The following PTPN13 variants were observed in gnomAD, a reference collection of about 807,000 sequenced individuals.
PTPN13 encodes the protein tyrosine-protein phosphatase non-receptor type 13.
PTPN13 carries 191 observed loss-of-function variants against 284.0 expected under a neutral mutation model. The ratio of observed to expected loss-of-function variants is 0.67; its 90% CI spans 0.60 to 0.76. The LOEUF (loss-of-function observed/expected upper bound fraction) is 0.76. PTPN13 is among the 30% of genes least tolerant of loss of function. The probability of loss-of-function intolerance (pLI) is 0.00; values close to 1 mark genes in which losing one functional copy is unlikely to be tolerated. For missense variants in PTPN13, 2,797 were observed against 2,939.9 expected (o/e 0.95, Z 1.12); for synonymous variants, 986 against 1,022.3 (o/e 0.96, Z 0.68).
At chr4:86,756,909 C>T (rs1343468582) in intron 20 of PTPN13, among the ~76,000 whole-genome samples, 3 of 152,092 alleles carry the variant, frequency 2.0e-5, no homozygotes, top group Non-Finnish European at 2.9e-5. Context: ...AAACCAAAAC[C>T]TCTAATTTTC....
At chr4:86,771,113 T>C in intron 30 of PTPN13, 58 bp from the exon 31 acceptor site, 2 of 1,479,496 alleles carry the variant, frequency 1.4e-6, no homozygotes, top group Non-Finnish European at 1.8e-6. Flanking sequence ...TATTTTCAAA[T>C]AAATGCTTCT....
intron 1 of PTPN13, among the ~76,000 whole-genome samples, chr4:86,613,951 A>C (rs1001256925): frequency 2.6e-5 from 4 of 152,200 alleles, no homozygotes; most frequent in African/African-American, 9.7e-5. Context: ...ATTGTGCAAC[A>C]GGGAGTAAGG....
intron 31 of PTPN13, 84 bp downstream of exon 31, chr4:86,771,619 GAAATGTATGTATCTGTGA>G (rs1740008336): frequency 7.4e-7 from 1 of 1,357,860 alleles, no homozygotes; most frequent in South Asian, 1.5e-5. Flanking sequence ...TCTTAAGAAT[GAAATGTATGTATCTGTGA>G]CCTTCACAGT....
In PTPN13 at chr4:86,735,694, A is replaced by G. The variant is rs749515286; in HGVS notation, c.2252A>G (p.His751Arg). 2.3e-5 allele frequency: 37 copies of G among 1,613,200 alleles called. No individual in the cohort carries two copies. The highest frequency in any genetic ancestry group is 6.7e-5 in the Admixed American group (4 of 59,906). Residue 751 changes from histidine to arginine, a missense_variant, in exon 15 of 48, where the codon CAT becomes CGT. Coordinates refer to ENST00000411767, the MANE Select transcript of PTPN13 (RefSeq NM_080683.3). ...ATCAAAGAAGAGTTACCCAAATTGC[A>G]TAATACCTATGTGGGAGCTTCTGAA... is the stretch of plus-strand genomic sequence containing the variant. Reference protein sequence around the residue: ...SYIKEELPKLHNTYVGASEKE... With the variant: ...SYIKEELPKLRNTYVGASEKE...
At chr4:86,794,444 A>C (rs974951385) in intron 40 of PTPN13, among the ~76,000 whole-genome samples, 1 of 152,224 alleles carries the variant, frequency 6.6e-6, no homozygotes, top group Non-Finnish European at 1.5e-5. Context: ...GATAGGAAGA[A>C]TCAATATCGT....
rs1560452596 is a variant in PTPN13 at position 86,814,747 on chromosome 4, A to G, written c.*196A>G. Reference sequence around the variant, plus strand: ...TTTTACAGCTACTTTAACCTATGATAATTATTTACAAAATTTTAACACTAA... The same window carrying G: ...TTTTACAGCTACTTTAACCTATGATGATTATTTACAAAATTTTAACACTAA... On this transcript the variant is annotated 3_prime_UTR_variant, in exon 48 of 48. Coordinates refer to ENST00000411767, the MANE Select transcript of PTPN13 (RefSeq NM_080683.3). The G allele has an allele frequency of 1.0e-5, 5 of 497,532 alleles. No homozygotes were observed. The highest frequency in any genetic ancestry group is 1.8e-5 in the Non-Finnish European group (5 of 276,458). 30.8% of individuals were successfully genotyped at this position (497,532 alleles called of 1,614,324 possible).
intron 19 of PTPN13, 45 bp downstream of exon 19, chr4:86,751,169 C>A: frequency 7.5e-7 from 1 of 1,324,740 alleles, no homozygotes; most frequent in South Asian, 1.3e-5. Flanking sequence ...ACCTCATGCT[C>A]AGAGGGAAGT....
At chr4:86,673,301 A>G (rs1031173923) in intron 3 of PTPN13, among the ~76,000 whole-genome samples, 1 of 152,206 alleles carries the variant, frequency 6.6e-6, no homozygotes, top group Non-Finnish European at 1.5e-5. Context: ...TTAGTGTAGA[A>G]TGATATCACA....
chr4:86,684,930 T>C (rs753313936), intron 3 of PTPN13, among the ~76,000 whole-genome samples: 4 of 152,102 alleles, frequency 2.6e-5, no homozygotes, highest in Non-Finnish European at 4.4e-5. Context: ...CAGAAAAAAA[T>C]AGAAGCAATC....
chr4:86,755,644 T>C (rs1024453837), intron 20 of PTPN13, among the ~76,000 whole-genome samples: 1 of 152,046 alleles, frequency 6.6e-6, no homozygotes, highest in African/African-American at 2.4e-5. Flanking sequence ...ACAACCCTTC[T>C]GTTTTTCACT....
intron 6 of PTPN13, among the ~76,000 whole-genome samples, chr4:86,697,953 A>G (rs2148993612): frequency 6.6e-6 from 1 of 151,924 alleles, no homozygotes; most frequent in South Asian, 2.1e-4. Flanking sequence ...GACTTTTTAT[A>G]TTCTTGAAAT....
At position 86,728,643 on chromosome 4, in the gene PTPN13, C is replaced by CTT. The variant is rs57773658; in HGVS notation, c.1609-3724_1609-3723dup. Among the ~76,000 whole-genome samples, 27 of 24,494 alleles carry CTT rather than the reference C, an allele frequency of 1.1e-3. 3 individuals are homozygous for CTT. The highest frequency in any genetic ancestry group is 1.7e-3 in the Non-Finnish European group (22 of 13,140). 16.1% of individuals were successfully genotyped at this position (24,494 alleles called of 152,430 possible). A position where few individuals can be genotyped will look rare whatever the true frequency, so the allele number is the denominator to read the frequency against. On this transcript the variant is annotated intron_variant, in intron 10 of 47. Coordinates refer to ENST00000411767, the MANE Select transcript of PTPN13 (RefSeq NM_080683.3). ...CAGAGACTAGGATTGCAACCCCTGC[C>CTT]TTTTTTTTTTTTTTTTTTTTTTTTT...
intron 35 of PTPN13, 102 bp downstream of exon 35, chr4:86,775,754 C>A (rs972753031): frequency 2.1e-6 from 2 of 947,386 alleles, no homozygotes; most frequent in African/African-American, 3.3e-5. Flanking sequence ...ATTAGTAATT[C>A]ATAGACTAAA....
chr4:86,652,185 T>G (rs1725164290), intron 2 of PTPN13, among the ~76,000 whole-genome samples: 1 of 151,536 alleles, frequency 6.6e-6, no homozygotes, highest in Non-Finnish European at 1.5e-5. Context: ...GCTCTGATCT[T>G]TCTTTTCTTC....
At chr4:86,734,534 C>G (rs1161327547) in intron 13 of PTPN13, 78 bp downstream of exon 13, 8 of 1,334,000 alleles carry the variant, frequency 6.0e-6, no homozygotes, top group Non-Finnish European at 8.0e-6. Flanking sequence ...TACTGAATTA[C>G]TTGATTCCAA....
At chr4:86,719,771 C>T in intron 9 of PTPN13, among the ~76,000 whole-genome samples, 1 of 152,076 alleles carries the variant, frequency 6.6e-6, no homozygotes, top group East Asian at 1.9e-4. Flanking sequence ...TGTATATCTT[C>T]TTTTAAGGGT....
At chr4:86,605,863 G>A (rs1029675555) in intron 1 of PTPN13, among the ~76,000 whole-genome samples, 25 of 151,828 alleles carry the variant, frequency 1.6e-4, no homozygotes, top group Admixed American at 5.3e-4. Flanking sequence ...CATTACTGTT[G>A]GGAAAGTAAT....
In PTPN13 at chr4:86,734,811, A is replaced by G; in HGVS notation, c.2087A>G (p.Asp696Gly). 6.2e-7 allele frequency: 1 copy of G among 1,613,546 alleles called. No individual in the cohort carries two copies. The highest frequency in any genetic ancestry group is 8.5e-7 in the Non-Finnish European group (1 of 1,179,576). ...DILEERMHCDDETSLLLASLA... is the reference protein window; with the variant it reads ...DILEERMHCDGETSLLLASLA... The stretch of plus-strand genomic sequence containing the variant: ...TTGGAGGAAAGGATGCACTGTGATG[A>G]TGAGACTTCCTTATTGCTGGCATCC... Residue 696 changes from aspartate to glycine, a missense_variant, in exon 14 of 48, where the codon GAT (aspartate) becomes GGT (glycine). Coordinates refer to ENST00000411767, the MANE Select transcript of PTPN13 (RefSeq NM_080683.3).
intron 7 of PTPN13, among the ~76,000 whole-genome samples, chr4:86,708,775 G>A (rs1202128222): frequency 6.6e-6 from 1 of 152,002 alleles, no homozygotes; most frequent in African/African-American, 2.4e-5. Flanking sequence ...TTTATTCTCT[G>A]CTATCAGCCA....
Sources: gnomAD v4.1 joint callset for allele counts (sites outside exome capture counted in the v4.1 genomes callset) on GRCh38, gnomAD v4.1.1 for gene constraint, MANE v1.5 for transcripts, NCBI Gene and HGNC (gene_info 2026-07-23, HGNC 2026-07-21) for gene names.